RYR2: variants seen among roughly 807,000 people sequenced by gnomAD.
RYR2 encodes the protein ryanodine receptor 2, also known as cardiac muscle ryanodine receptor-calcium release channel.
RYR2 carries 227 observed loss-of-function variants against 601.1 expected under a neutral mutation model. The ratio of observed to expected loss-of-function variants is 0.38; its 90% CI spans 0.34 to 0.42. The LOEUF (loss-of-function observed/expected upper bound fraction) is 0.42. RYR2 is among the 10% of genes least tolerant of loss of function. The probability of loss-of-function intolerance (pLI) is 1.00; values close to 1 mark genes in which losing one functional copy is unlikely to be tolerated. For synonymous variants in RYR2, 2,223 were observed against 2,175.1 expected, an observed-to-expected ratio of 1.02 and a Z score of -0.61; for missense variants, 4,646 against 6,156.5, an observed-to-expected ratio of 0.75 and a Z score of 8.21.
intron 25 of RYR2, among the ~76,000 whole-genome samples, chr1:237,541,056 T>C (rs1315690149): frequency 6.6e-6 from 1 of 152,232 alleles, no homozygotes; most frequent in Admixed American, 6.5e-5. Flanking sequence ...CTTTGGTAAA[T>C]ATTTACCTCA....
chr1:237,185,842 T>A (rs1238821202), intron 1 of RYR2, among the ~76,000 whole-genome samples: 1 of 152,218 alleles, frequency 6.6e-6, no homozygotes, highest in Non-Finnish European at 1.5e-5. Context: ...ACCTTTTGGC[T>A]CTTCCTTTGC....
chr1:237,686,418 G>A (rs1011860150), intron 62 of RYR2, among the ~76,000 whole-genome samples: 1 of 152,146 alleles, frequency 6.6e-6, no homozygotes, highest in African/African-American at 2.4e-5. Flanking sequence ...GTTGGGAGCT[G>A]TACAGGAGGG....
intron 28 of RYR2, among the ~76,000 whole-genome samples, chr1:237,568,646 C>T (rs779457602): frequency 9.9e-5 from 15 of 152,086 alleles, no homozygotes; most frequent in Non-Finnish European, 2.1e-4. Context: ...GTTAAAGTAT[C>T]TGTGCCATCG....
intron 1 of RYR2, among the ~76,000 whole-genome samples, chr1:237,185,174 A>AT (rs1679215310): frequency 1.3e-5 from 2 of 151,186 alleles, no homozygotes; most frequent in African/African-American, 4.9e-5. Flanking sequence ...CTAATTTTTT[A>AT]TTTTTTGTAG....
intron 1 of RYR2, among the ~76,000 whole-genome samples, chr1:237,075,077 A>C (rs540653533): frequency 1.3e-5 from 2 of 152,210 alleles, no homozygotes; most frequent in East Asian, 3.9e-4. Flanking sequence ...TCTCATTCTC[A>C]TGTAGGTTTT....
At chr1:237,514,066 C>T (rs940574588) in intron 24 of RYR2, among the ~76,000 whole-genome samples, 4 of 152,156 alleles carry the variant, frequency 2.6e-5, no homozygotes, top group African/African-American at 7.2e-5. Context: ...GTCCTGAGTA[C>T]GTGGATTCAG....
intron 1 of RYR2, among the ~76,000 whole-genome samples, chr1:237,187,809 T>G (rs1201274201): frequency 6.6e-6 from 1 of 152,176 alleles, no homozygotes; most frequent in Non-Finnish European, 1.5e-5. Context: ...CACAATCTTC[T>G]GTGTCCAGAG....
At chr1:237,171,312 C>G (rs1677357628) in intron 1 of RYR2, among the ~76,000 whole-genome samples, 2 of 151,474 alleles carry the variant, frequency 1.3e-5, no homozygotes, top group Admixed American at 6.6e-5. Flanking sequence ...AACAGTATAC[C>G]TTTTGACATG....
chr1:237,821,404 A>G (rs1296519679), intron 101 of RYR2, among the ~76,000 whole-genome samples: 1 of 152,208 alleles, frequency 6.6e-6, no homozygotes, highest in African/African-American at 2.4e-5. Context: ...GTGGACCTCC[A>G]GCAAACTCCA....
At chr1:237,600,581 A>G (rs1676391778) in intron 34 of RYR2, among the ~76,000 whole-genome samples, 3 of 152,188 alleles carry the variant, frequency 2.0e-5, no homozygotes, top group Non-Finnish European at 2.9e-5. Context: ...ACAGGCAACA[A>G]AAGCAAAAAT....
chr1:237,633,628 C>T lies in RYR2; in HGVS notation c.6606C>T (p.Tyr2202=), dbSNP rs1270857666. 3 of 1,613,848 alleles carry T rather than the reference C, an allele frequency of 1.9e-6. No individual in the cohort carries two copies. The African/African-American group carries it at 4.0e-5, about 22-fold the overall frequency. Residue 2202 remains tyrosine, a synonymous_variant, in exon 43 of 105, where the codon TAC becomes TAT. Coordinates refer to ENST00000366574, the MANE Select transcript of RYR2 (RefSeq NM_001035.3). ...MVANCCRFLC[Y]FCRISRQNQK... ...CCAACTGTTGCCGTTTTCTCTGTTA[C>T]TTCTGTCGTATAAGTAGGCAGAATC...
intron 87 of RYR2, 104 bp downstream of exon 87, chr1:237,773,752 T>C (rs1372186306): frequency 2.4e-6 from 2 of 828,404 alleles, no homozygotes; most frequent in South Asian, 2.2e-5. Flanking sequence ...TTTCTGAGTT[T>C]CTTTGCAAAT....
Position 237,174,968 on chromosome 1 carries a change from A to G in RYR2, c.49-95529A>G, listed in dbSNP as rs1347759822. Among the ~76,000 whole-genome samples, 6 of 152,336 alleles carry G rather than the reference A, an allele frequency of 3.9e-5. No individual in the cohort carries two copies. The East Asian group carries it at 1.2e-3, about 29-fold the overall frequency. On this transcript the variant is annotated intron_variant, in intron 1 of 104. Coordinates refer to ENST00000366574, the MANE Select transcript of RYR2 (RefSeq NM_001035.3). ...TTTTCTATTTGCAGTGTTTTCTGAC[A>G]AATATTTTTCCTCCAGATTTTAAGC...
intron 92 of RYR2, 54 bp from the exon 93 acceptor site, chr1:237,791,375 C>A: frequency 1.2e-6 from 1 of 855,606 alleles, no homozygotes; most frequent in Non-Finnish European, 2.0e-6. Context: ...AAATTGACTG[C>A]AGGTTTCAAG....
chr1:237,058,302 G>A (rs1243175989), intron 1 of RYR2, among the ~76,000 whole-genome samples: 1 of 152,166 alleles, frequency 6.6e-6, no homozygotes, highest in Non-Finnish European at 1.5e-5. Flanking sequence ...CTCCTACTAT[G>A]ATAGGATCTG....
intron 39 of RYR2, 77 bp from the exon 40 acceptor site, chr1:237,625,584 A>T: frequency 6.9e-7 from 1 of 1,444,594 alleles, no homozygotes; most frequent in Non-Finnish European, 9.4e-7. Context: ...CATGAAAGAA[A>T]TTACAAGGCC....
chr1:237,262,923 A>G (rs1400431585), intron 1 of RYR2, among the ~76,000 whole-genome samples: 2 of 152,064 alleles, frequency 1.3e-5, no homozygotes, highest in African/African-American at 4.8e-5. Context: ...TAATGACTAG[A>G]GTTATTAAGA....
chr1:237,687,100 A>G (rs1360056642), intron 62 of RYR2, among the ~76,000 whole-genome samples: 1 of 152,168 alleles, frequency 6.6e-6, no homozygotes, highest in Non-Finnish European at 1.5e-5. Flanking sequence ...GATAAAACCA[A>G]ATTTTTTCCT....
At chr1:237,798,967 G>A (rs1330078354) in intron 97 of RYR2, among the ~76,000 whole-genome samples, 1 of 152,192 alleles carries the variant, frequency 6.6e-6, no homozygotes, top group South Asian at 2.1e-4. Context: ...GAGTAGGGAT[G>A]TGATGGTTAC....
Sources: allele counts gnomAD v4.1 joint callset (sites outside exome capture counted in the v4.1 genomes callset), GRCh38; gene constraint gnomAD v4.1.1; transcripts MANE v1.5; gene names NCBI Gene and HGNC (gene_info 2026-07-23, HGNC 2026-07-21).